The following CD46 variants were observed in gnomAD, a reference collection of about 807,000 sequenced individuals.
CD46 encodes the protein CD46 molecule, also known as membrane cofactor protein.
In CD46, 30 loss-of-function variants were observed where a neutral mutation model predicts 53.3. The ratio of observed to expected loss-of-function variants is 0.56; its 90% CI spans 0.42 to 0.76. The LOEUF (loss-of-function observed/expected upper bound fraction) is 0.76. Among genes scored for constraint, CD46 ranks in the 30% least tolerant of loss-of-function variants. CD46 has a pLI of 0.00. For missense variants in CD46, 409 were observed against 463.0 expected, an observed-to-expected ratio of 0.88 and a Z score of 1.07; for synonymous variants, 142 against 152.0, an observed-to-expected ratio of 0.93 and a Z score of 0.48.
chr1:207,757,114 A>G lies in CD46; in HGVS notation c.198A>G (p.Lys66=). The G allele has an allele frequency of 6.2e-7, 1 of 1,614,010 alleles. No homozygotes were observed. Among genetic ancestry groups the G allele is most frequent in the Non-Finnish European group, 8.5e-7 (1 of 1,179,860 alleles). Reference sequence around the variant, plus strand: ...AACGAGTAGATTATAAGTGTAAAAAAGGATACTTCTATATACCTCCTCTTG... The same window carrying G: ...AACGAGTAGATTATAAGTGTAAAAAGGGATACTTCTATATACCTCCTCTTG... The part of the protein sequence containing the change: ...IGERVDYKCK[K]GYFYIPPLAT... Residue 66 remains lysine, a synonymous_variant, in exon 2 of 13, where the codon AAA becomes AAG. Coordinates refer to ENST00000367042, the MANE Select transcript of CD46 (RefSeq NM_172351.3).
rs1009520751 is a variant in CD46, at chr1:207,752,797, T to G, written c.97+488T>G. ...TGCAGTGCGTCTGCTGTGCCCCATGTGCTGGGCTGGGCGAGCAGGGGCCTG... is the reference window on the plus strand; with the variant it reads ...TGCAGTGCGTCTGCTGTGCCCCATGGGCTGGGCTGGGCGAGCAGGGGCCTG... On this transcript the variant is annotated intron_variant, in intron 1 of 12. Coordinates refer to ENST00000367042, the MANE Select transcript of CD46 (RefSeq NM_172351.3). The surrounding 1 kb of genome is among the most constrained non-coding windows in gnomAD (Gnocchi z 4.1). Among the ~76,000 whole-genome samples the G allele has an allele frequency of 1.3e-5, 2 of 152,292 alleles. No homozygotes were observed. Among genetic ancestry groups the G allele is most frequent in the Middle Eastern group, 3.4e-3 (1 of 294 alleles).
intron 5 of CD46, among the ~76,000 whole-genome samples, chr1:207,761,673 A>G (rs1656233951): frequency 6.6e-6 from 1 of 151,966 alleles, no homozygotes; most frequent in Non-Finnish European, 1.5e-5. Context: ...TACAGTGTGA[A>G]CTACTGTGTA....
At chr1:207,786,083 T>G (rs923281436) in intron 11 of CD46, 1 of 183,506 alleles carries the variant, frequency 5.4e-6, no homozygotes, top group Non-Finnish European at 1.2e-5. Context: ...TTCACTGGAA[T>G]TTTTATAATG....
At chr1:207,763,892 A>G (rs1473678944) in intron 5 of CD46, among the ~76,000 whole-genome samples, 1 of 134,658 alleles carries the variant, frequency 7.4e-6, no homozygotes, top group Non-Finnish European at 1.6e-5. Context: ...AACCCTTCTC[A>G]TTTATGCCCT....
chr1:207,775,310 C>T (rs973779777), intron 8 of CD46, among the ~76,000 whole-genome samples: 2 of 152,106 alleles, frequency 1.3e-5, no homozygotes, highest in Non-Finnish European at 2.9e-5. Context: ...TTACCTTCCT[C>T]GAGATGGGTT....
chr1:207,761,517 C>T (rs927469182), intron 5 of CD46, 71 bp downstream of exon 5: 4 of 1,261,108 alleles, frequency 3.2e-6, no homozygotes, highest in Non-Finnish European at 4.6e-6. Context: ...GTTTCATCTA[C>T]AGATAAACAA....
intron 3 of CD46, among the ~76,000 whole-genome samples, chr1:207,758,078 A>T (rs2102544294): frequency 6.6e-6 from 1 of 152,330 alleles, no homozygotes; most frequent in East Asian, 1.9e-4. Context: ...CATCATGTTG[A>T]TCAAAATCTC....
At chr1:207,753,482 C>A (rs1655153510) in intron 1 of CD46, among the ~76,000 whole-genome samples, 1 of 152,334 alleles carries the variant, frequency 6.6e-6, no homozygotes, top group Non-Finnish European at 1.5e-5. Flanking sequence ...TCAACCTGGG[C>A]AACATGGCAA....
At chr1:207,757,831 A>G (rs1205466436) in intron 3 of CD46, among the ~76,000 whole-genome samples, 189 bp downstream of exon 3, 3 of 152,240 alleles carry the variant, frequency 2.0e-5, no homozygotes, top group Non-Finnish European at 2.9e-5. Context: ...ATTGATATTT[A>G]AGGAAAGCAA....
chr1:207,767,070 A>G lies in CD46; in HGVS notation c.731A>G (p.Lys244Arg). 2 of 1,613,864 alleles carry G rather than the reference A, an allele frequency of 1.2e-6. No homozygotes were observed. The highest frequency in any genetic ancestry group is 1.3e-5 in the African/African-American group (1 of 75,048). ...GGAAAACAGATATCAGGATTTGGAA[A>G]AAAATTTTACTACAAAGCAACAGTT... The part of the protein sequence containing the change: ...ENGKQISGFG[K>R]KFYYKATVMF... The change falls in exon 6 of 13, where the codon AAA becomes AGA. Residue 244 changes from lysine to arginine, a missense_variant. By Grantham distance (26) the Lys-to-Arg change is conservative. Coordinates refer to ENST00000367042, the MANE Select transcript of CD46 (RefSeq NM_172351.3).
In CD46 at chr1:207,779,913, C is replaced by CTTTTTTT. The variant is rs66758503; in HGVS notation, c.944-3366_944-3360dup. Reference sequence around the variant, plus strand: ...TTCTATTCTTGTAGCAAAAGCAAGTCTTTTTTTTTTTTTTTTTTTACTGTA... The same window carrying CTTTTTTT: ...TTCTATTCTTGTAGCAAAAGCAAGTCTTTTTTTTTTTTTTTTTTTTTTTTTTACTGTA... On this transcript the variant is annotated intron_variant, in intron 8 of 12. Transcript: ENST00000367042. 2.6e-4 allele frequency among the ~76,000 whole-genome samples: 16 copies of CTTTTTTT among 62,386 alleles called. 2 individuals are homozygous for CTTTTTTT. Among genetic ancestry groups the CTTTTTTT allele is most frequent in the African/African-American group, 6.9e-4 (11 of 15,836 alleles). The allele number at this position is 62,386 out of a possible 152,430, so 40.9% of individuals were successfully genotyped here.
At chr1:207,774,027 G>C (rs1220229596) in intron 8 of CD46, among the ~76,000 whole-genome samples, 1 of 152,164 alleles carries the variant, frequency 6.6e-6, no homozygotes, top group Non-Finnish European at 1.5e-5. Flanking sequence ...ATGTCTCTTT[G>C]TAGGTCTCTA....
intron 3 of CD46, among the ~76,000 whole-genome samples, chr1:207,758,122 A>G (rs564352144): frequency 6.6e-6 from 1 of 152,334 alleles, no homozygotes; most frequent in African/African-American, 2.4e-5. Flanking sequence ...AGACTGCTAC[A>G]GTGTGAAGCA....
At chr1:207,765,240 T>G in intron 5 of CD46, among the ~76,000 whole-genome samples, 1 of 152,188 alleles carries the variant, frequency 6.6e-6, no homozygotes. Flanking sequence ...AGAAAATGTT[T>G]GACAGAATTC....
At chr1:207,785,773 CTATCT>C (rs1360898217) in intron 11 of CD46, 91 bp downstream of exon 11, 3 of 689,876 alleles carry the variant, frequency 4.3e-6, no homozygotes, top group African/African-American at 7.1e-5. Flanking sequence ...GTATTGCATG[CTATCT>C]TTTTTTTTTT....
At position 207,783,450 on chromosome 1, in the gene CD46, G is replaced by C. The variant is rs41258534; in HGVS notation, c.982+120G>C. The C allele has an allele frequency of 8.0e-3, 5,689 of 708,202 alleles. 35 individuals are homozygous for C. The highest frequency in any genetic ancestry group is 0.012 in the Admixed American group (612 of 52,510). The allele number at this position is 708,202 out of a possible 1,614,324, so 43.9% of individuals were successfully genotyped here. A position where few individuals can be genotyped will look rare whatever the true frequency, so the allele number is the denominator to read the frequency against. On this transcript the variant is annotated intron_variant, in intron 9 of 12. Coordinates refer to ENST00000367042, the MANE Select transcript of CD46 (RefSeq NM_172351.3). ...GTAGGGTAAGATAACTTTCTTAAAT[G>C]CTGTGTTTGTATGTAGGTTAAAATA...
At chr1:207,753,993 G>C (rs1045791792) in intron 1 of CD46, among the ~76,000 whole-genome samples, 2 of 152,132 alleles carry the variant, frequency 1.3e-5, no homozygotes, top group African/African-American at 4.8e-5. Flanking sequence ...CATTCATGCA[G>C]GAAGATAAGC....
chr1:207,761,539 G>A lies in CD46; in HGVS notation c.673+93G>A, dbSNP rs1656215993. The A allele has an allele frequency of 1.3e-5, 13 of 978,454 alleles. No homozygotes were observed. In the Admixed American group the frequency reaches 2.0e-4, roughly 15 times the overall value. The allele number at this position is 978,454 out of a possible 1,614,324, so 60.6% of individuals were successfully genotyped here. Reference sequence around the variant, plus strand: ...CTACAGATAAACAAAGCAGGTGTATGTGCTTCCTCCTCCTGTATAATTGGT... The same window carrying A: ...CTACAGATAAACAAAGCAGGTGTATATGCTTCCTCCTCCTGTATAATTGGT... On this transcript the variant is annotated intron_variant, in intron 5 of 12. Coordinates refer to ENST00000367042, the MANE Select transcript of CD46 (RefSeq NM_172351.3).
At position 207,761,361 on chromosome 1, in the gene CD46, A is replaced by G; in HGVS notation, c.588A>G (p.Gly196=). Residue 196 remains glycine (G), a synonymous_variant, in exon 5 of 13, where the codon GGA becomes GGG. Transcript: ENST00000367042. Reference sequence around the variant, plus strand: ...CTTATAGTTGTGATCCTGCACCTGGACCAGATCCATTTTCACTTATTGGAG... The same window carrying G: ...CTTATAGTTGTGATCCTGCACCTGGGCCAGATCCATTTTCACTTATTGGAG... ...AVTYSCDPAP[G]PDPFSLIGES... 6.2e-7 allele frequency: 1 copy of G among 1,613,850 alleles called. No homozygotes were observed. The highest frequency in any genetic ancestry group is 8.5e-7 in the Non-Finnish European group (1 of 1,179,724).
Sources: allele counts gnomAD v4.1 joint callset (sites outside exome capture counted in the v4.1 genomes callset), GRCh38; gene constraint gnomAD v4.1.1; non-coding constraint Gnocchi (gnomAD v3.1); transcripts MANE v1.5; gene names NCBI Gene and HGNC (gene_info 2026-07-23, HGNC 2026-07-21).